The following PPP1R37 variants were observed in gnomAD, a reference collection of about 807,000 sequenced individuals.
PPP1R37 encodes leucine rich repeat containing 68.
A neutral mutation model predicts 61.0 loss-of-function variants in PPP1R37; 21 were observed. The ratio of observed to expected loss-of-function variants is 0.34; its 90% confidence interval spans 0.24 to 0.50. The LOEUF (loss-of-function observed/expected upper bound fraction) is 0.50. PPP1R37 is among the 20% of genes least tolerant of loss of function. PPP1R37 has a pLI of 0.98. For missense variants in PPP1R37, 910 were observed against 952.7 expected, an observed-to-expected ratio of 0.96 and a Z score of 0.59; for synonymous variants, 443 against 433.5, an observed-to-expected ratio of 1.02 and a Z score of -0.27.
intron 1 of PPP1R37, among the ~76,000 whole-genome samples, chr19:45,123,829 C>T (rs994941806): frequency 1.3e-5 from 2 of 152,216 alleles, no homozygotes; most frequent in Non-Finnish European, 2.9e-5. Context: ...GCATCCCTCT[C>T]CCCTGCCTGC....
intron 1 of PPP1R37, among the ~76,000 whole-genome samples, chr19:45,105,840 C>G (rs1377448650): frequency 6.6e-6 from 1 of 152,236 alleles, no homozygotes; most frequent in Non-Finnish European, 1.5e-5. Flanking sequence ...TGCTGTGTCT[C>G]CTGCACAGCT....
chr19:45,093,640 T>A lies in PPP1R37; in HGVS notation c.202+113T>A, dbSNP rs143771809. On this transcript the variant is annotated intron_variant, in intron 1 of 12. Transcript: ENST00000221462. ...TCAATAGATTGCACCTAATGGTGAA[T>A]AAGGGGACAGTCGTCAGTTTAGAAC... 1.6e-4 allele frequency: 117 copies of A among 715,070 alleles called. 3 individuals are homozygous for A. In the African/African-American group the frequency reaches 1.9e-3, roughly 12 times the overall value. The allele number at this position is 715,070 out of a possible 1,614,324, so 44.3% of individuals were successfully genotyped here.
chr19:45,145,527 G>A lies in PPP1R37; in HGVS notation c.1471G>A (p.Gly491Arg). ...EPQPDDEPAA[G>R]VQNGAPSPAP... The stretch of plus-strand genomic sequence containing the variant: ...CCAGCCCGACGACGAGCCCGCCGCT[G>A]GGGTGCAGAACGGGGCCCCCAGCCC... Residue 491 changes from glycine (G) to arginine (R), a missense_variant, in exon 11 of 13, where the codon GGG becomes AGG. Coordinates refer to ENST00000221462, the MANE Select transcript of PPP1R37 (RefSeq NM_019121.2). 1 of 1,534,420 alleles carries A rather than the reference G, an allele frequency of 6.5e-7. No individual in the cohort carries two copies. The highest frequency in any genetic ancestry group is 8.7e-7 in the Non-Finnish European group (1 of 1,146,116).
At chr19:45,107,857 G>GT (rs898562770) in intron 1 of PPP1R37, among the ~76,000 whole-genome samples, 23 of 152,148 alleles carry the variant, frequency 1.5e-4, no homozygotes, top group Admixed American at 6.5e-4. Flanking sequence ...TCATTTTTCC[G>GT]TTTTTTTAGA....
intron 11 of PPP1R37, 141 bp downstream of exon 11, chr19:45,146,190 C>T (rs1904900045): frequency 4.9e-6 from 5 of 1,015,880 alleles, no homozygotes; most frequent in South Asian, 3.4e-5. Context: ...GCTTAGTTCT[C>T]ATCTCCACCC....
chr19:45,141,273 T>G (rs1968607823), intron 4 of PPP1R37, 49 bp from the exon 5 acceptor site: 2 of 1,502,544 alleles, frequency 1.3e-6, no homozygotes, highest in Admixed American at 2.2e-5. Context: ...ACGCCTCTCC[T>G]CCAGGGCAGC....
chr19:45,093,217 C>G lies in PPP1R37; in HGVS notation c.-109C>G. The G allele has an allele frequency of 1.1e-6, 1 of 907,408 alleles. No individual in the cohort carries two copies. The highest frequency in any genetic ancestry group is 1.5e-6 in the Non-Finnish European group (1 of 668,416). The allele number at this position is 907,408 out of a possible 1,614,324, so 56.2% of individuals were successfully genotyped here. ...ACTAGGAGAGCGGACGGAGGCGGCG[C>G]CTGAAGCGGCGGCGGAGCCCATGCC... On this transcript the variant is annotated 5_prime_UTR_variant, in exon 1 of 13. Coordinates refer to ENST00000221462, the MANE Select transcript of PPP1R37 (RefSeq NM_019121.2).
rs946902633 is a variant in PPP1R37, at chr19:45,121,634, G to C, written c.203-16880G>C. On this transcript the variant is annotated intron_variant, in intron 1 of 12. Transcript: ENST00000221462. This position sits in a 1 kb window ranked among gnomAD's most constrained non-coding sequence, Gnocchi z 4.2. ...GGACCTGAGAGATGTGTGGGCAGCTGTGTGCAGTGTATACAGGGAGTCCAG... is the reference window on the plus strand; with the variant it reads ...GGACCTGAGAGATGTGTGGGCAGCTCTGTGCAGTGTATACAGGGAGTCCAG... 4.6e-5 allele frequency among the ~76,000 whole-genome samples: 7 copies of C among 152,336 alleles called. No homozygotes were observed. Among genetic ancestry groups the C allele is most frequent in the Non-Finnish European group, 7.3e-5 (5 of 68,028 alleles).
At chr19:45,093,645 G>C (rs1967953242) in intron 1 of PPP1R37, 118 bp downstream of exon 1, 1 of 694,008 alleles carries the variant, frequency 1.4e-6, no homozygotes, top group East Asian at 3.1e-5. Flanking sequence ...GTGAATAAGG[G>C]GACAGTCGTC....
chr19:45,146,048 C>T lies in PPP1R37; in HGVS notation c.1992C>T (p.His664=), dbSNP rs551523117. The T allele has an allele frequency of 1.2e-4, 189 of 1,526,440 alleles. No homozygotes were observed. Among genetic ancestry groups the T allele is most frequent in the African/African-American group, 4.9e-4 (36 of 72,850 alleles). The allele number at this position is 1,526,440 out of a possible 1,614,324, so 94.6% of individuals were successfully genotyped here. A position where few individuals can be genotyped will look rare whatever the true frequency, so the allele number is the denominator to read the frequency against. The part of the protein sequence containing the change: ...EVKGGSCGLE[H]ELSCSKNEKE... The stretch of plus-strand genomic sequence containing the variant: ...AGGGGGGCAGCTGCGGCCTGGAGCA[C>T]GGTGAGAGGGGCCCTAGGGCAGGTG... The change falls in exon 11 of 13, where the codon CAC becomes CAT. Residue 664 remains histidine, a splice_region_variant and synonymous_variant. Coordinates refer to ENST00000221462, the MANE Select transcript of PPP1R37 (RefSeq NM_019121.2).
intron 1 of PPP1R37, among the ~76,000 whole-genome samples, chr19:45,125,077 G>A (rs1968387248): frequency 1.3e-5 from 2 of 152,214 alleles, no homozygotes; most frequent in Admixed American, 6.5e-5. Flanking sequence ...AATGGTTGAA[G>A]CAAAAAGAGG....
At chr19:45,093,579 G>A (rs113342017) in intron 1 of PPP1R37, 52 bp downstream of exon 1, 7 of 1,446,058 alleles carry the variant, frequency 4.8e-6, no homozygotes, top group Non-Finnish European at 6.6e-6. Context: ...CCGGGAGTCG[G>A]GAGGGATCGG....
chr19:45,095,758 T>TAAAAAA (rs371559844), intron 1 of PPP1R37, among the ~76,000 whole-genome samples: 1 of 117,112 alleles, frequency 8.5e-6, no homozygotes, highest in Non-Finnish European at 1.8e-5. Flanking sequence ...GACCCGGTCT[T>TAAAAAA]AAAAAAAAAA....
chr19:45,140,220 C>T lies in PPP1R37; in HGVS notation c.301-16C>T. The T allele has an allele frequency of 6.5e-7, 1 of 1,535,416 alleles. No individual in the cohort carries two copies. Reference sequence around the variant, plus strand: ...TTCAAGTGTCTTCCTGCCTTAACCCCACTCTACTTTCTCAGGAATTCACAG... The same window carrying T: ...TTCAAGTGTCTTCCTGCCTTAACCCTACTCTACTTTCTCAGGAATTCACAG... On this transcript the variant is annotated splice_polypyrimidine_tract_variant and intron_variant, in intron 2 of 12. Coordinates refer to ENST00000221462, the MANE Select transcript of PPP1R37 (RefSeq NM_019121.2).
intron 1 of PPP1R37, among the ~76,000 whole-genome samples, chr19:45,119,460 CTG>C (rs1968312445): frequency 6.6e-6 from 1 of 152,166 alleles, no homozygotes; most frequent in African/African-American, 2.4e-5. Context: ...GCCCGTTTAA[CTG>C]TGTTTTGATG....
At chr19:45,141,484 C>G in intron 5 of PPP1R37, 43 bp downstream of exon 5, 1 of 751,644 alleles carries the variant, frequency 1.3e-6, no homozygotes, top group South Asian at 2.2e-5. Context: ...CTCAGGCTCC[C>G]AGCACGGGGA....
intron 7 of PPP1R37, 88 bp downstream of exon 7, chr19:45,142,546 A>G (rs1182776526): frequency 3.7e-6 from 5 of 1,359,934 alleles, no homozygotes; most frequent in Non-Finnish European, 4.0e-6. Flanking sequence ...GGACACAGAC[A>G]TGGCCAAGAC....
chr19:45,134,403 C>A (rs1169144689), intron 1 of PPP1R37, among the ~76,000 whole-genome samples: 3 of 152,116 alleles, frequency 2.0e-5, no homozygotes, highest in Non-Finnish European at 4.4e-5. Flanking sequence ...ATGGGCCTGG[C>A]GGGTGTGAGT....
intron 1 of PPP1R37, among the ~76,000 whole-genome samples, chr19:45,099,851 C>T (rs536781453): frequency 1.6e-4 from 24 of 152,336 alleles, no homozygotes; most frequent in South Asian, 1.0e-3. Context: ...GGTGCCAGGA[C>T]GAGGACTCTT....
Sources: allele counts gnomAD v4.1 joint callset (sites outside exome capture counted in the v4.1 genomes callset), GRCh38; gene constraint gnomAD v4.1.1; non-coding constraint Gnocchi (gnomAD v3.1); transcripts MANE v1.5; gene names NCBI Gene and HGNC (gene_info 2026-07-23, HGNC 2026-07-21).